NSUN7: variants seen among roughly 807,000 people sequenced by gnomAD.
NSUN7 encodes NOP2/Sun RNA methyltransferase family member 7.
In NSUN7, 39 loss-of-function variants were observed where a neutral mutation model predicts 58.5. That is an observed-to-expected ratio of 0.67 (90% CI 0.52 to 0.87). The LOEUF (loss-of-function observed/expected upper bound fraction) is 0.87, where lower values mean the gene tolerates loss of function less well. Among genes scored for constraint, NSUN7 ranks in the 40% least tolerant of loss-of-function variants. The pLI, the probability that NSUN7 is intolerant of heterozygous loss-of-function variation, is 0.00. For missense variants in NSUN7, 765 were observed against 844.1 expected (o/e 0.91, Z 1.16); for synonymous variants, 278 against 303.7 (o/e 0.92, Z 0.88).
In NSUN7 at chr4:40,750,655, AC is replaced by A. The variant is rs745430615; in HGVS notation, c.-35del. The A allele has an allele frequency of 5.0e-6, 8 of 1,596,392 alleles. No homozygotes were observed. Among genetic ancestry groups the A allele is most frequent in the Non-Finnish European group, 6.0e-6 (7 of 1,170,066 alleles). On this transcript the variant is annotated 5_prime_UTR_variant, in exon 2 of 12. Coordinates refer to ENST00000381782, the MANE Select transcript of NSUN7 (RefSeq NM_024677.6). ...CGTTTCCTGGAACATCGGAATTCTA[AC>A]CCCAGGGTGAAGGACTCACGACAGG... is the stretch of plus-strand genomic sequence containing the variant.
chr4:40,793,706 C>T (rs1743199578), intron 8 of NSUN7, among the ~76,000 whole-genome samples: 1 of 152,080 alleles, frequency 6.6e-6, no homozygotes, highest in Non-Finnish European at 1.5e-5. Flanking sequence ...AGCTATATAA[C>T]CTTAGACAAG....
At chr4:40,806,996 A>C (rs1308793005) in intron 10 of NSUN7, 65 bp from the exon 11 acceptor site, 12 of 1,504,114 alleles carry the variant, frequency 8.0e-6, no homozygotes, top group Non-Finnish European at 1.1e-5. Flanking sequence ...AGTGTAATTT[A>C]CTTTCTTCCT....
At position 40,808,987 on chromosome 4, in the gene NSUN7, A is replaced by C. The variant is rs747280677; in HGVS notation, c.*48A>C. 10 of 1,449,510 alleles carry C rather than the reference A, an allele frequency of 6.9e-6. No individual in the cohort carries two copies. Among genetic ancestry groups the C allele is most frequent in the Non-Finnish European group, 9.1e-6 (10 of 1,101,682 alleles). The allele number at this position is 1,449,510 out of a possible 1,614,324, so 89.8% of individuals were successfully genotyped here. A position where few individuals can be genotyped will look rare whatever the true frequency, so the allele number is the denominator to read the frequency against. ...GCCAAAGAGCAGTTGATTTTTTTTC[A>C]AAGTCTAGTATTTCTCTGAAGATTC... On this transcript the variant is annotated 3_prime_UTR_variant, in exon 12 of 12. Coordinates refer to ENST00000381782, the MANE Select transcript of NSUN7 (RefSeq NM_024677.6).
chr4:40,793,326 C>CA (rs1368451388), intron 8 of NSUN7, among the ~76,000 whole-genome samples: 6 of 152,172 alleles, frequency 3.9e-5, no homozygotes, highest in Non-Finnish European at 7.4e-5. Flanking sequence ...CCTGTAGTCC[C>CA]AGCTATTCAG....
chr4:40,760,996 G>GT (rs142152476), intron 3 of NSUN7, among the ~76,000 whole-genome samples, 175 bp from the exon 4 acceptor site: 2,199 of 147,674 alleles, frequency 0.015, 41 homozygotes, highest in African/African-American at 0.046. Flanking sequence ...TTTTGAAAGG[G>GT]TTTTTTTTTT....
intron 10 of NSUN7, among the ~76,000 whole-genome samples, chr4:40,803,149 G>A (rs901722603): frequency 6.6e-6 from 1 of 151,822 alleles, no homozygotes; most frequent in African/African-American, 2.4e-5. Flanking sequence ...GTATTCCATG[G>A]TGTATATGTG....
chr4:40,761,441 T>C, intron 4 of NSUN7, 140 bp downstream of exon 4: 1 of 696,622 alleles, frequency 1.4e-6, no homozygotes, highest in Non-Finnish European at 2.2e-6. Flanking sequence ...TTCTTGAATT[T>C]CTTTACAAAC....
At chr4:40,786,734 T>C (rs1742842154) in intron 7 of NSUN7, 1 of 1,529,794 alleles carries the variant, frequency 6.5e-7, no homozygotes, top group Admixed American at 2.2e-5. Context: ...CTATTATATC[T>C]GTGTGGAGTA....
chr4:40,765,240 C>T (rs1741662066), intron 4 of NSUN7, among the ~76,000 whole-genome samples: 1 of 89,662 alleles, frequency 1.1e-5, no homozygotes, highest in African/African-American at 4.1e-5. Context: ...TTTAATCCAT[C>T]TTGAATTGAT....
chr4:40,800,735 A>C (rs750917508), intron 10 of NSUN7, among the ~76,000 whole-genome samples: 1 of 152,118 alleles, frequency 6.6e-6, no homozygotes, highest in Non-Finnish European at 1.5e-5. Context: ...AAAATATATT[A>C]TTTCTGGAAT....
intron 4 of NSUN7, among the ~76,000 whole-genome samples, chr4:40,769,139 A>G (rs539295947): frequency 4.6e-5 from 7 of 152,240 alleles, no homozygotes; most frequent in African/African-American, 1.7e-4. Context: ...GCTTCTTTCC[A>G]TTTCCACTAC....
chr4:40,783,445 G>A (rs953806135), intron 7 of NSUN7, among the ~76,000 whole-genome samples: 2 of 152,052 alleles, frequency 1.3e-5, no homozygotes, highest in Non-Finnish European at 2.9e-5. Flanking sequence ...CTTGGATTTA[G>A]CAGTGGTTGT....
At chr4:40,752,972 T>C (rs1352630753) in intron 2 of NSUN7, among the ~76,000 whole-genome samples, 2 of 152,208 alleles carry the variant, frequency 1.3e-5, no homozygotes, top group Non-Finnish European at 2.9e-5. Context: ...TTGTATTTCA[T>C]GCAATGAATC....
intron 7 of NSUN7, among the ~76,000 whole-genome samples, chr4:40,777,322 ATT>A (rs71648923): frequency 2.3e-4 from 35 of 152,012 alleles, no homozygotes; most frequent in Non-Finnish European, 2.4e-4. Flanking sequence ...AATTTTTTTC[ATT>A]TTTTTAAATT....
rs764191589 is a variant in NSUN7, at chr4:40,808,434, CATT to C, written c.1653_1655del (p.Leu552del). The C allele has an allele frequency of 1.2e-6, 2 of 1,610,332 alleles. No homozygotes were observed. Among genetic ancestry groups the C allele is most frequent in the Admixed American group, 1.7e-5 (1 of 59,566 alleles). ...AAGAAGAAGAAAAAATCAAAAACAT[CATT>C]GACAAAAGGTGCCACTACTGATAAT... On this transcript the variant is annotated inframe_deletion, in exon 12 of 12. Transcript: ENST00000381782.
Position 40,808,465 on chromosome 4 carries a change from C to T in NSUN7, c.1683C>T (p.Gly561=). The T allele has an allele frequency of 1.3e-6, 2 of 1,587,070 alleles. No homozygotes were observed. The highest frequency in any genetic ancestry group is 1.7e-6 in the Non-Finnish European group (2 of 1,163,918). ...SLTKGATTDN[G]IQMKIAEFLN... ...CAAAAGGTGCCACTACTGATAATGGCATCCAAATGAAAATTGCTGAGTTCC... is the reference window on the plus strand; with the variant it reads ...CAAAAGGTGCCACTACTGATAATGGTATCCAAATGAAAATTGCTGAGTTCC... Residue 561 remains glycine, a synonymous_variant, in exon 12 of 12, where the codon GGC becomes GGT. Coordinates refer to ENST00000381782, the MANE Select transcript of NSUN7 (RefSeq NM_024677.6).
At chr4:40,763,008 A>C (rs550558109) in intron 4 of NSUN7, among the ~76,000 whole-genome samples, 1 of 151,608 alleles carries the variant, frequency 6.6e-6, no homozygotes, top group African/African-American at 2.4e-5. Context: ...GTCTTCCACG[A>C]AACTGGTCCC....
intron 7 of NSUN7, among the ~76,000 whole-genome samples, chr4:40,779,584 A>G (rs1396756934): frequency 6.6e-6 from 1 of 152,206 alleles, no homozygotes; most frequent in Admixed American, 6.5e-5. Context: ...AGCCTGGGCC[A>G]CAGAGCCAGA....
intron 9 of NSUN7, among the ~76,000 whole-genome samples, chr4:40,795,806 C>G (rs566462348): frequency 3.9e-5 from 6 of 152,272 alleles, no homozygotes; most frequent in African/African-American, 1.4e-4. Context: ...AGAGTAAAAA[C>G]AAATACAAAT....
Sources: gnomAD v4.1 joint callset for allele counts (sites outside exome capture counted in the v4.1 genomes callset) on GRCh38, gnomAD v4.1.1 for gene constraint, MANE v1.5 for transcripts, NCBI Gene and HGNC (gene_info 2026-07-23, HGNC 2026-07-21) for gene names.